Variants in TMTC1 observed in about 807,000 individuals in gnomAD.
TMTC1 encodes transmembrane O-mannosyltransferase targeting cadherins 1, also known as protein O-mannosyl-transferase TMTC1.
A neutral mutation model predicts 104.8 loss-of-function variants in TMTC1; 73 were observed. The ratio of observed to expected loss-of-function variants is 0.70; its 90% CI spans 0.58 to 0.85. The LOEUF is 0.85. TMTC1 is among the 40% of genes least tolerant of loss of function. The pLI is 0.00. For synonymous variants in TMTC1, 434 were observed against 428.7 expected (o/e 1.01, Z -0.15); for missense variants, 1,035 against 1,096.1 (o/e 0.94, Z 0.79).
intron 5 of TMTC1, among the ~76,000 whole-genome samples, chr12:29,746,676 G>A (rs1219650611): frequency 2.6e-5 from 4 of 152,124 alleles, no homozygotes; most frequent in Non-Finnish European, 5.9e-5. Flanking sequence ...TATGTCTCTT[G>A]AATTTAATTA....
chr12:29,637,125 A>G (rs573753050), intron 5 of TMTC1, among the ~76,000 whole-genome samples: 4 of 139,138 alleles, frequency 2.9e-5, no homozygotes, highest in African/African-American at 1.1e-4. Context: ...CACACACACA[A>G]AAGAACAACA....
intron 5 of TMTC1, among the ~76,000 whole-genome samples, chr12:29,745,957 T>C (rs975623650): frequency 6.6e-6 from 1 of 152,140 alleles, no homozygotes; most frequent in Non-Finnish European, 1.5e-5. Flanking sequence ...GAGAATTCCA[T>C]AGTGAAATGT....
intron 8 of TMTC1, among the ~76,000 whole-genome samples, chr12:29,579,889 G>A (rs767375743): frequency 1.3e-5 from 2 of 152,120 alleles, no homozygotes; most frequent in African/African-American, 2.4e-5. Context: ...TATAGGAATG[G>A]CAAAGTTTAT....
At chr12:29,612,994 G>A (rs1946884316) in intron 6 of TMTC1, among the ~76,000 whole-genome samples, 1 of 150,350 alleles carries the variant, frequency 6.7e-6, no homozygotes, top group African/African-American at 2.5e-5. Flanking sequence ...AGGTAAGTGG[G>A]TCAAAGGCCT....
chr12:29,660,675 A>T (rs1316414511), intron 5 of TMTC1: 1 of 289,526 alleles, frequency 3.5e-6, no homozygotes, highest in Non-Finnish European at 6.0e-6. Context: ...TTTGATCCCA[A>T]TGTCATGATG....
chr12:29,730,235 G>C (rs1015762568), intron 5 of TMTC1, among the ~76,000 whole-genome samples: 2 of 152,196 alleles, frequency 1.3e-5, no homozygotes, highest in Non-Finnish European at 2.9e-5. Flanking sequence ...TGGCTTTTCT[G>C]ACAGATCAAA....
intron 1 of TMTC1, among the ~76,000 whole-genome samples, chr12:29,780,330 A>G (rs1299134546): frequency 6.6e-6 from 1 of 152,234 alleles, no homozygotes; most frequent in Non-Finnish European, 1.5e-5. Flanking sequence ...GGAACAAACT[A>G]TGGATACATG....
At chr12:29,766,801 T>C (rs1943475020) in intron 2 of TMTC1, among the ~76,000 whole-genome samples, 1 of 152,160 alleles carries the variant, frequency 6.6e-6, no homozygotes, top group Non-Finnish European at 1.5e-5. Context: ...GTGGTGCCCA[T>C]GGACCTCTCA....
chr12:29,629,602 C>A (rs1938191731), intron 6 of TMTC1, among the ~76,000 whole-genome samples: 1 of 152,118 alleles, frequency 6.6e-6, no homozygotes, highest in Non-Finnish European at 1.5e-5. Flanking sequence ...CTTTTATATT[C>A]TATACCCAGA....
At chr12:29,564,538 G>C (rs1443342952) in intron 9 of TMTC1, among the ~76,000 whole-genome samples, 1 of 152,192 alleles carries the variant, frequency 6.6e-6, no homozygotes, top group Non-Finnish European at 1.5e-5. Flanking sequence ...AAATGCTGCT[G>C]AGAGTTAGGT....
At chr12:29,660,186 A>T (rs1415891100) in intron 5 of TMTC1, among the ~76,000 whole-genome samples, 1 of 152,220 alleles carries the variant, frequency 6.6e-6, no homozygotes, top group Non-Finnish European at 1.5e-5. Flanking sequence ...TGGGAGGTGC[A>T]GCAACTTTTA....
At chr12:29,669,733 C>T (rs1210605410) in intron 5 of TMTC1, among the ~76,000 whole-genome samples, 1 of 152,156 alleles carries the variant, frequency 6.6e-6, no homozygotes, top group Admixed American at 6.5e-5. Context: ...TAAAAACTTG[C>T]TACTAAGAAG....
intron 5 of TMTC1, among the ~76,000 whole-genome samples, chr12:29,721,524 T>A (rs1942236896): frequency 6.6e-6 from 1 of 152,110 alleles, no homozygotes; most frequent in South Asian, 2.1e-4. Flanking sequence ...TTACTCCCAA[T>A]AGCACCGCCT....
Position 29,636,787 on chromosome 12 carries a change from G to A in TMTC1, c.939-3451C>T, listed in dbSNP as rs137892872. Among the ~76,000 whole-genome samples, 84 of 151,812 alleles carry A rather than the reference G, an allele frequency of 5.5e-4. 1 individual carries two copies. Among genetic ancestry groups the A allele is most frequent in the African/African-American group, 2.0e-3 (84 of 41,388 alleles). On this transcript the variant is annotated intron_variant, in intron 5 of 17. Coordinates refer to ENST00000539277, the MANE Select transcript of TMTC1 (RefSeq NM_001193451.2). ...AAGCTGGGCATGGTACCTCATGCCT[G>A]TAATCTGAGCACCTTGGGAGGCCTA...
At chr12:29,652,288 A>G (rs921196634) in intron 5 of TMTC1, among the ~76,000 whole-genome samples, 15 of 152,218 alleles carry the variant, frequency 9.9e-5, no homozygotes, top group Non-Finnish European at 1.6e-4. Context: ...AGAACGTGGG[A>G]AAGAATTTAA....
At chr12:29,521,898 G>C (rs1944177546) in intron 11 of TMTC1, among the ~76,000 whole-genome samples, 1 of 152,070 alleles carries the variant, frequency 6.6e-6, no homozygotes, top group South Asian at 2.1e-4. Context: ...AACCATTAGA[G>C]ACTGTTATGT....
At chr12:29,629,394 C>T (rs528578372) in intron 6 of TMTC1, among the ~76,000 whole-genome samples, 14 of 152,026 alleles carry the variant, frequency 9.2e-5, no homozygotes, top group African/African-American at 3.1e-4. Flanking sequence ...CCTCCCATAT[C>T]GAGCCAATGT....
chr12:29,683,592 A>G (rs1467925194), intron 5 of TMTC1, among the ~76,000 whole-genome samples: 1 of 152,202 alleles, frequency 6.6e-6, no homozygotes, highest in African/African-American at 2.4e-5. Context: ...ACACTAAATC[A>G]TGGTCTCTCT....
intron 5 of TMTC1, among the ~76,000 whole-genome samples, chr12:29,748,097 G>C (rs1399829602): frequency 6.6e-6 from 1 of 152,106 alleles, no homozygotes; most frequent in Non-Finnish European, 1.5e-5. Context: ...GTTTTCCAAA[G>C]AGAAAACATA....
Sources: gnomAD v4.1 joint callset for allele counts (sites outside exome capture counted in the v4.1 genomes callset) on GRCh38, gnomAD v4.1.1 for gene constraint, MANE v1.5 for transcripts, NCBI Gene and HGNC (gene_info 2026-07-23, HGNC 2026-07-21) for gene names.